KCTD13: variants seen among roughly 807,000 people sequenced by gnomAD.
KCTD13 encodes potassium channel tetramerization domain containing 13.
KCTD13 carries 15 observed loss-of-function variants against 32.3 expected under a neutral mutation model. The observed-to-expected ratio is 0.46, with a 90% CI of 0.31 to 0.71. The LOEUF (loss-of-function observed/expected upper bound fraction) is 0.71, where lower values mean the gene tolerates loss of function less well. Among genes scored for constraint, KCTD13 ranks in the 30% least tolerant of loss-of-function variants. The pLI, the probability that KCTD13 is intolerant of heterozygous loss-of-function variation, is 0.05. For synonymous variants in KCTD13, 189 were observed against 200.1 expected (o/e 0.94, Z 0.47); for missense variants, 337 against 452.6 (o/e 0.74, Z 2.32).
rs749940758 is a variant in KCTD13, at chr16:29,926,011, G to T, written c.23C>A (p.Pro8Gln). The change falls in exon 1 of 6, where the codon CCG becomes CAG. Residue 8 changes from proline to glutamine, a missense_variant. Around this residue, in one of 3 missense-constraint regions of KCTD13, gnomAD observed 64 missense variants for 59.6 expected, o/e 1.07. Coordinates refer to ENST00000568000, the MANE Select transcript of KCTD13 (RefSeq NM_178863.5). MSAEASG[P>Q]AAAAAPSLEA... ...CAGGGACGGGGCCGCGGCGGCAGCC[G>T]GGCCCGAGGCCTCCGCCGACATGCC... 7 of 1,557,644 alleles carry T rather than the reference G, an allele frequency of 4.5e-6. No individual in the cohort carries two copies. The Admixed American group carries it at 1.5e-4, about 33-fold the overall frequency.
At chr16:29,914,965 G>A (rs2068784041) in intron 2 of KCTD13, 1 of 150,696 alleles carries the variant, frequency 6.6e-6, no homozygotes, top group Non-Finnish European at 1.5e-5. Context: ...AACATAGCAA[G>A]ACTCTGTCTC....
At chr16:29,919,959 T>C (rs2068877495) in intron 2 of KCTD13, 1 of 152,192 alleles carries the variant, frequency 6.6e-6, no homozygotes, top group Non-Finnish European at 1.5e-5. Context: ...ATTGGCGATA[T>C]CTACATTGAC....
At position 29,910,975 on chromosome 16, in the gene KCTD13, GA is replaced by G. The variant is rs1417503405; in HGVS notation, c.753+2del. 1.2e-6 allele frequency: 2 copies of G among 1,613,518 alleles called. No individual in the cohort carries two copies. The highest frequency in any genetic ancestry group is 3.3e-5 in the Admixed American group (2 of 59,984). On this transcript the variant is annotated splice_donor_variant, in intron 5 of 5. Coordinates refer to ENST00000568000, the MANE Select transcript of KCTD13 (RefSeq NM_178863.5). LOFTEE classifies it high-confidence loss of function. ...CCAACATAGGCTCTGGAGCCCCTCTGACCTTGGTCTGCTTCTTCTCCGTAGC... is the reference window on the plus strand; with the variant it reads ...CCAACATAGGCTCTGGAGCCCCTCTGCCTTGGTCTGCTTCTTCTCCGTAGC...
Position 29,926,100 on chromosome 16 carries a change from C to A in KCTD13, c.-67G>T, listed in dbSNP as rs554754018. 12 of 1,428,096 alleles carry A rather than the reference C, an allele frequency of 8.4e-6. No individual in the cohort carries two copies. The South Asian group carries it at 1.8e-4, about 21-fold the overall frequency. 88.5% of individuals were successfully genotyped at this position (1,428,096 alleles called of 1,614,324 possible). ...CGCCCTGCGGCCTGCTCCCGAAGAC[C>A]CTCGGCCGGCCCCCAGCCCTTGGGC... On this transcript the variant is annotated 5_prime_UTR_variant, in exon 1 of 6. Coordinates refer to ENST00000568000, the MANE Select transcript of KCTD13 (RefSeq NM_178863.5).
At chr16:29,925,678 C>A in intron 1 of KCTD13, 112 bp downstream of exon 1, 1 of 1,061,388 alleles carries the variant, frequency 9.4e-7, no homozygotes, top group Non-Finnish European at 1.4e-6. Flanking sequence ...AATGAGTTGA[C>A]TGGACAGTAG....
intron 1 of KCTD13, 75 bp downstream of exon 1, chr16:29,925,715 C>G: frequency 6.7e-7 from 1 of 1,481,944 alleles, no homozygotes; most frequent in Non-Finnish European, 9.2e-7. Context: ...GCATGAGGAG[C>G]CCCGGTGGTG....
At chr16:29,921,841 G>C (rs2068919637) in intron 2 of KCTD13, 1 of 152,162 alleles carries the variant, frequency 6.6e-6, no homozygotes, top group Admixed American at 6.6e-5. Context: ...CGTGGTAGCA[G>C]GCGCCTGTAA....
intron 5 of KCTD13, among the ~76,000 whole-genome samples, chr16:29,909,033 T>G (rs1179873812): frequency 6.7e-6 from 1 of 149,836 alleles, no homozygotes; most frequent in East Asian, 1.9e-4. Flanking sequence ...AGGATGTTTC[T>G]TGGAAGCTGG....
At chr16:29,917,594 A>G (rs1253681189) in intron 2 of KCTD13, among the ~76,000 whole-genome samples, 3 of 152,150 alleles carry the variant, frequency 2.0e-5, no homozygotes, top group Non-Finnish European at 4.4e-5. Context: ...AGTCTGGCCA[A>G]CGTCGTGAAA....
At chr16:29,921,815 CA>C (rs1480585987) in intron 2 of KCTD13, 2 of 152,046 alleles carry the variant, frequency 1.3e-5, no homozygotes, top group African/African-American at 4.8e-5. Flanking sequence ...ACTAAAAATA[CA>C]AAAAAGTAGC....
chr16:29,911,952 G>A lies in KCTD13; in HGVS notation c.504+8C>T. ...GAGCCTCCACCCTGCAGGGCTTGGGGGCCTCACCTTGGAGGTGCTGGCCAG... is the reference window on the plus strand; with the variant it reads ...GAGCCTCCACCCTGCAGGGCTTGGGAGCCTCACCTTGGAGGTGCTGGCCAG... On this transcript the variant is annotated splice_region_variant and intron_variant, in intron 3 of 5. Coordinates refer to ENST00000568000, the MANE Select transcript of KCTD13 (RefSeq NM_178863.5). 4 of 1,610,784 alleles carry A rather than the reference G, an allele frequency of 2.5e-6. No individual in the cohort carries two copies. Among genetic ancestry groups the A allele is most frequent in the Non-Finnish European group, 3.4e-6 (4 of 1,178,906 alleles).
At chr16:29,916,679 C>T (rs971076416) in intron 2 of KCTD13, among the ~76,000 whole-genome samples, 23 of 152,174 alleles carry the variant, frequency 1.5e-4, no homozygotes, top group Non-Finnish European at 3.4e-4. Flanking sequence ...GCCTGGCCGA[C>T]AGAGCAAGAC....
chr16:29,911,314 G>A, intron 4 of KCTD13, 141 bp from the exon 5 acceptor site: 1 of 673,064 alleles, frequency 1.5e-6, no homozygotes, highest in Non-Finnish European at 2.5e-6. Flanking sequence ...CTCCACCCCT[G>A]GGGCCAGGCT....
rs2068727213 is a variant in KCTD13 at position 29,912,268 on chromosome 16, TG to T, written c.415-220del. ...CTGCTTCACACATCCAGCTTGTGCC[TG>T]CCCCGGCCACTGGCTGTGCCCCTGC... is the stretch of plus-strand genomic sequence containing the variant. On this transcript the variant is annotated intron_variant, in intron 2 of 5. Coordinates refer to ENST00000568000, the MANE Select transcript of KCTD13 (RefSeq NM_178863.5). 5.2e-6 allele frequency: 3 copies of T among 581,132 alleles called. No homozygotes were observed. The African/African-American group carries it at 5.7e-5, about 11-fold the overall frequency. 36.0% of individuals were successfully genotyped at this position (581,132 alleles called of 1,614,324 possible). A position where few individuals can be genotyped will look rare whatever the true frequency, so the allele number is the denominator to read the frequency against.
At chr16:29,913,312 C>G (rs1011177597) in intron 2 of KCTD13, 1 of 151,974 alleles carries the variant, frequency 6.6e-6, no homozygotes, top group African/African-American at 2.4e-5. Context: ...GCTGCAAAGC[C>G]ACAACAGTGA....
chr16:29,922,875 A>G lies in KCTD13; in HGVS notation c.414+315T>C, dbSNP rs1037726314. On this transcript the variant is annotated intron_variant, in intron 2 of 5. Transcript: ENST00000568000. ...GGGAGCTATTTAGGATTTCTAAGCA[A>G]GAGAGAGAATAGATCGGGGTTGTGC... is the stretch of plus-strand genomic sequence containing the variant. 14 of 417,070 alleles carry G rather than the reference A, an allele frequency of 3.4e-5. No individual in the cohort carries two copies. The Admixed American group carries it at 5.7e-4, about 17-fold the overall frequency. 25.8% of individuals were successfully genotyped at this position (417,070 alleles called of 1,614,324 possible).
At chr16:29,915,251 T>G (rs2068789368) in intron 2 of KCTD13, 1 of 152,220 alleles carries the variant, frequency 6.6e-6, no homozygotes, top group Non-Finnish European at 1.5e-5. Flanking sequence ...CTCTGTCCCT[T>G]TCAGTCCAAG....
At position 29,922,985 on chromosome 16, in the gene KCTD13, T is replaced by C. The variant is rs890668649; in HGVS notation, c.414+205A>G. 184 of 569,344 alleles carry C rather than the reference T, an allele frequency of 3.2e-4. 3 individuals carry two copies. Among genetic ancestry groups the C allele is most frequent in the Non-Finnish European group, 8.1e-5 (26 of 321,680 alleles). 35.3% of individuals were successfully genotyped at this position (569,344 alleles called of 1,614,324 possible). On this transcript the variant is annotated intron_variant, in intron 2 of 5. Coordinates refer to ENST00000568000, the MANE Select transcript of KCTD13 (RefSeq NM_178863.5). ...GAAGTAGAGAGCAGCTATTTAACCA[T>C]TGCAAAGGTCCTGGCATGAGGCTGG...
Position 29,920,344 on chromosome 16 carries a change from A to G in KCTD13, c.414+2846T>C, listed in dbSNP as rs911477404. 1.5e-4 allele frequency: 23 copies of G among 152,292 alleles called. 2 individuals are homozygous for G. The highest frequency in any genetic ancestry group is 1.0e-3 in the Admixed American group (16 of 15,268). 9.4% of individuals were successfully genotyped at this position (152,292 alleles called of 1,614,324 possible). On this transcript the variant is annotated intron_variant, in intron 2 of 5. Transcript: ENST00000568000. ...ACCTCAAAAAAAGAAAAACAAAAACAAAAACAAAAAAACAGCAAATAATTT... is the reference window on the plus strand; with the variant it reads ...ACCTCAAAAAAAGAAAAACAAAAACGAAAACAAAAAAACAGCAAATAATTT...
Sources: gnomAD v4.1 joint callset for allele counts (sites outside exome capture counted in the v4.1 genomes callset) on GRCh38, gnomAD v4.1.1 for gene constraint, gnomAD v4.1.1 regional missense constraint, MANE v1.5 for transcripts, NCBI Gene and HGNC (gene_info 2026-07-23, HGNC 2026-07-21) for gene names.